The following SUFU variants were observed in gnomAD, a reference collection of about 807,000 sequenced individuals.
SUFU encodes the protein SUFU negative regulator of hedgehog signaling, also known as suppressor of fused homolog.
A neutral mutation model predicts 58.9 loss-of-function variants in SUFU; 7 were observed. The ratio of observed to expected loss-of-function variants is 0.12; its 90% CI spans 0.07 to 0.22. The LOEUF (loss-of-function observed/expected upper bound fraction) is 0.22. SUFU is among the 10% of genes least tolerant of loss of function. The pLI is 1.00. For missense variants in SUFU, 451 were observed against 641.3 expected, an observed-to-expected ratio of 0.70 and a Z score of 3.20; for synonymous variants, 232 against 254.8, an observed-to-expected ratio of 0.91 and a Z score of 0.85.
In SUFU at chr10:102,619,584, G is replaced by A; in HGVS notation, c.1296+2156G>A. ...AGCACCCACCCTTGATCACCGAGGGGTTTCTCAGGCCCTTTCCAAGGAGCC... is the reference window on the plus strand; with the variant it reads ...AGCACCCACCCTTGATCACCGAGGGATTTCTCAGGCCCTTTCCAAGGAGCC... On this transcript the variant is annotated intron_variant, in intron 10 of 11. Coordinates refer to ENST00000369902, the MANE Select transcript of SUFU (RefSeq NM_016169.4). This position sits in a 1 kb window ranked among gnomAD's most constrained non-coding sequence, Gnocchi z 4.2. The A allele has an allele frequency of 1.2e-6, 1 of 864,326 alleles. No individual in the cohort carries two copies. The highest frequency in any genetic ancestry group is 5.0e-5 in the South Asian group (1 of 19,808). 53.5% of individuals were successfully genotyped at this position (864,326 alleles called of 1,614,324 possible). A position where few individuals can be genotyped will look rare whatever the true frequency, so the allele number is the denominator to read the frequency against.
At chr10:102,621,585 T>TG (rs1355447037) in intron 10 of SUFU, among the ~76,000 whole-genome samples, 1 of 146,344 alleles carries the variant, frequency 6.8e-6, no homozygotes, top group Non-Finnish European at 1.5e-5. Flanking sequence ...GCCTGTGGAG[T>TG]GGGGGTGGGA....
chr10:102,540,366 G>C (rs935534421), intron 2 of SUFU, among the ~76,000 whole-genome samples: 4 of 152,010 alleles, frequency 2.6e-5, no homozygotes, highest in Non-Finnish European at 4.4e-5. Context: ...CTATACCTAT[G>C]GGGGCCTGGT....
chr10:102,627,029 C>A, intron 10 of SUFU, 146 bp from the exon 11 acceptor site: 1 of 834,594 alleles, frequency 1.2e-6, no homozygotes, highest in Non-Finnish European at 2.0e-6. Flanking sequence ...TGGGGACAGG[C>A]CTCAAACACT....
chr10:102,562,959 C>T (rs1007868372), intron 3 of SUFU, among the ~76,000 whole-genome samples: 1 of 152,108 alleles, frequency 6.6e-6, no homozygotes, highest in African/African-American at 2.4e-5. Flanking sequence ...TTAACCTGTG[C>T]GGTGGGTAGC....
chr10:102,570,224 C>T (rs959324936), intron 3 of SUFU, among the ~76,000 whole-genome samples: 6 of 109,956 alleles, frequency 5.5e-5, no homozygotes, highest in Admixed American at 1.1e-4. Flanking sequence ...ATTGCCGAAC[C>T]GAGAGAATAT....
At chr10:102,547,993 A>G (rs1590017239) in intron 2 of SUFU, among the ~76,000 whole-genome samples, 2 of 152,218 alleles carry the variant, frequency 1.3e-5, no homozygotes, top group Admixed American at 1.3e-4. Context: ...TCTACTAAAA[A>G]AAAAGAAAGA....
chr10:102,597,287 G>A lies in SUFU; in HGVS notation c.904G>A (p.Gly302Ser), dbSNP rs1164574977. Residue 302 changes from glycine to serine, a missense_variant, in exon 7 of 12, where the codon GGC becomes AGC. Gly to Ser is a moderately conservative substitution (Grantham distance 56). Transcript: ENST00000369902. ...CIGTQPRRLS[G>S]KDTEQIRETL... ...CGGCACACAGCCCCGGCGACTCTCT[G>A]GCAAAGGTGGGAGCCATCACTCAGC... 2.5e-6 allele frequency: 4 copies of A among 1,612,734 alleles called. No individual in the cohort carries two copies. Among genetic ancestry groups the A allele is most frequent in the African/African-American group, 1.3e-5 (1 of 74,884 alleles).
intron 3 of SUFU, among the ~76,000 whole-genome samples, chr10:102,571,277 G>A (rs2063157776): frequency 6.6e-6 from 1 of 152,206 alleles, no homozygotes; most frequent in Admixed American, 6.5e-5. Flanking sequence ...GATGGCCAGT[G>A]ACTGAGCTAA....
intron 2 of SUFU, among the ~76,000 whole-genome samples, chr10:102,514,884 CA>C (rs1271315729): frequency 2.0e-5 from 3 of 152,264 alleles, no homozygotes; most frequent in Non-Finnish European, 2.9e-5. Context: ...AGAACTCAGG[CA>C]GACTTCCCTG....
intron 2 of SUFU, among the ~76,000 whole-genome samples, chr10:102,534,224 C>G (rs188196858): frequency 6.6e-6 from 1 of 152,028 alleles, no homozygotes; most frequent in East Asian, 1.9e-4. Context: ...GTCAGGAGAT[C>G]GAGACCACCC....
At chr10:102,573,469 C>T (rs1277636426) in intron 3 of SUFU, among the ~76,000 whole-genome samples, 2 of 152,224 alleles carry the variant, frequency 1.3e-5, no homozygotes, top group African/African-American at 4.8e-5. Context: ...TATGATCCAG[C>T]AATCTCACCT....
chr10:102,591,498 CA>C (rs35914362), intron 3 of SUFU: 59,505 of 119,120 alleles, frequency 0.5, 12,596 homozygotes, highest in East Asian at 0.69. Flanking sequence ...GACTCCATCT[CA>C]AAAAAAAAAA....
At chr10:102,526,265 G>A (rs975335114) in intron 2 of SUFU, among the ~76,000 whole-genome samples, 7 of 151,808 alleles carry the variant, frequency 4.6e-5, no homozygotes, top group African/African-American at 1.7e-4. Context: ...TGAAAGTAAA[G>A]CAGGGCGCCA....
At chr10:102,570,198 T>G (rs1590040362) in intron 3 of SUFU, among the ~76,000 whole-genome samples, 1 of 151,748 alleles carries the variant, frequency 6.6e-6, no homozygotes, top group Non-Finnish European at 1.5e-5. Flanking sequence ...GTGCAGTTGG[T>G]GATTTGGGAA....
chr10:102,511,503 G>C (rs1045849724), intron 2 of SUFU, among the ~76,000 whole-genome samples: 2 of 152,012 alleles, frequency 1.3e-5, no homozygotes. Context: ...TAAAGAAGAT[G>C]ATGATAGCCT....
chr10:102,504,684 G>A (rs539780710), intron 1 of SUFU, among the ~76,000 whole-genome samples: 1 of 151,660 alleles, frequency 6.6e-6, no homozygotes, highest in East Asian at 2.0e-4. Flanking sequence ...GAAGCCAAGC[G>A]GGGGCGGCCG....
intron 3 of SUFU, among the ~76,000 whole-genome samples, chr10:102,575,867 G>A (rs771485456): frequency 2.0e-5 from 3 of 151,906 alleles, no homozygotes; most frequent in Admixed American, 6.6e-5. Flanking sequence ...TTGGAAACGG[G>A]GTCTCTGTTG....
At position 102,632,555 on chromosome 10, in the gene SUFU, T is replaced by C. The variant is rs1337499544; in HGVS notation, c.*2400T>C. 4.3e-6 allele frequency: 1 copy of C among 233,132 alleles called. No homozygotes were observed. The highest frequency in any genetic ancestry group is 8.5e-6 in the Non-Finnish European group (1 of 118,078). 14.4% of individuals were successfully genotyped at this position (233,132 alleles called of 1,614,324 possible). On this transcript the variant is annotated 3_prime_UTR_variant, in exon 12 of 12. Coordinates refer to ENST00000369902, the MANE Select transcript of SUFU (RefSeq NM_016169.4). The stretch of plus-strand genomic sequence containing the variant: ...GGTGAGAGAGGACCCTTAAAGAAGA[T>C]CAAGCCAAGCTGACCTTGGACCCTG...
rs1160706050 is a variant in SUFU at position 102,517,363 on chromosome 10, C to T, written c.317+8060C>T. 2.0e-5 allele frequency among the ~76,000 whole-genome samples: 3 copies of T among 151,976 alleles called. No individual in the cohort carries two copies. In the East Asian group the frequency reaches 5.8e-4, roughly 29 times the overall value. ...GTGGTATTGTAAGTGACTACCAGGC[C>T]AGAGTGGTGCCAGGTAGGTCAGCGC... On this transcript the variant is annotated intron_variant, in intron 2 of 11. Transcript: ENST00000369902.
Sources: allele counts gnomAD v4.1 joint callset (sites outside exome capture counted in the v4.1 genomes callset), GRCh38; gene constraint gnomAD v4.1.1; non-coding constraint Gnocchi (gnomAD v3.1); transcripts MANE v1.5; gene names NCBI Gene and HGNC (gene_info 2026-07-23, HGNC 2026-07-21).